LRMDA: variants seen among roughly 807,000 people sequenced by gnomAD.
The protein encoded by LRMDA is leucine-rich melanocyte differentiation-associated protein.
Under a neutral mutation model 29.8 loss-of-function variants are expected in LRMDA, and 18 were observed. The ratio of observed to expected loss-of-function variants is 0.60; its 90% confidence interval spans 0.42 to 0.90. The LOEUF is 0.90. Among genes scored for constraint, LRMDA ranks in the 40% least tolerant of loss-of-function variants. LRMDA has a pLI of 0.00. For synonymous variants in LRMDA, 125 were observed against 109.4 expected, an observed-to-expected ratio of 1.14 and a Z score of -0.89; for missense variants, 273 against 273.9, an observed-to-expected ratio of 1.00 and a Z score of 0.02.
intron 2 of LRMDA, among the ~76,000 whole-genome samples, chr10:75,599,809 A>G (rs914688150): frequency 6.6e-6 from 1 of 152,214 alleles, no homozygotes; most frequent in Admixed American, 6.5e-5. Flanking sequence ...TGAAATAGCC[A>G]CATGTGGCTA....
At chr10:76,080,173 A>T (rs1410920954) in intron 5 of LRMDA, among the ~76,000 whole-genome samples, 2 of 151,940 alleles carry the variant, frequency 1.3e-5, no homozygotes, top group African/African-American at 4.8e-5. Context: ...TCTCTCATCA[A>T]TCCTTCGGTG....
intron 2 of LRMDA, among the ~76,000 whole-genome samples, chr10:75,633,779 A>G (rs913809348): frequency 2.1e-5 from 3 of 140,888 alleles, no homozygotes; most frequent in African/African-American, 7.4e-5. Context: ...TCCAGTTGTA[A>G]ATAATTTTTT....
At chr10:76,513,552 G>A (rs377164778) in intron 6 of LRMDA, among the ~76,000 whole-genome samples, 6 of 152,296 alleles carry the variant, frequency 3.9e-5, no homozygotes, top group African/African-American at 9.6e-5. Context: ...CATGGCAGTT[G>A]TTTTATTGGA....
intron 6 of LRMDA, among the ~76,000 whole-genome samples, chr10:76,392,659 T>C (rs1444792615): frequency 1.3e-5 from 2 of 152,008 alleles, no homozygotes; most frequent in Non-Finnish European, 2.9e-5. Flanking sequence ...TGTATGTGCA[T>C]TGTGTCACAT....
intron 6 of LRMDA, among the ~76,000 whole-genome samples, chr10:76,508,485 G>T (rs929236483): frequency 6.6e-6 from 1 of 151,824 alleles, no homozygotes; most frequent in Non-Finnish European, 1.5e-5. Flanking sequence ...TGGTCTCATG[G>T]ATTCTTACTT....
At chr10:75,594,845 T>G (rs1253074878) in intron 2 of LRMDA, among the ~76,000 whole-genome samples, 1 of 152,214 alleles carries the variant, frequency 6.6e-6, no homozygotes, top group Admixed American at 6.5e-5. Context: ...AATGTACTTG[T>G]TCTGGGTGAA....
intron 6 of LRMDA, among the ~76,000 whole-genome samples, chr10:76,537,062 T>C (rs535283690): frequency 1.8e-4 from 28 of 152,360 alleles, no homozygotes; most frequent in Non-Finnish European, 3.5e-4. Context: ...AAAAATCAAA[T>C]GTATCAAATA....
At chr10:75,726,416 C>T (rs1211537013) in intron 2 of LRMDA, among the ~76,000 whole-genome samples, 5 of 152,192 alleles carry the variant, frequency 3.3e-5, no homozygotes, top group Admixed American at 2.6e-4. Context: ...AGGTGAGCCA[C>T]CTGCAGAAAG....
intron 2 of LRMDA, among the ~76,000 whole-genome samples, chr10:75,486,496 C>T (rs1053532970): frequency 1.3e-5 from 2 of 152,142 alleles, no homozygotes; most frequent in African/African-American, 2.4e-5. Flanking sequence ...ACAATTTGAT[C>T]TTGCTCCACA....
In LRMDA at chr10:76,365,103, T is replaced by C. The variant is rs201520828; in HGVS notation, c.601+40618T>C. On this transcript the variant is annotated intron_variant, in intron 6 of 6. Transcript: ENST00000611255. Reference sequence around the variant, plus strand: ...ACACACACATATATATATATATATATATATACACACACACACATACACACC... The same window carrying C: ...ACACACACATATATATATATATATACATATACACACACACACATACACACC... 1.3e-3 allele frequency among the ~76,000 whole-genome samples: 29 copies of C among 22,706 alleles called. 2 individuals are homozygous for C. The highest frequency in any genetic ancestry group is 6.6e-3 in the South Asian group (11 of 1,666). 14.9% of individuals were successfully genotyped at this position (22,706 alleles called of 152,430 possible).
chr10:76,263,197 G>A (rs1037152960), intron 5 of LRMDA, among the ~76,000 whole-genome samples: 3 of 152,026 alleles, frequency 2.0e-5, no homozygotes, highest in Non-Finnish European at 4.4e-5. Context: ...TGATTCCAAG[G>A]CAAACTTGTT....
rs114818714 is a variant in LRMDA at position 76,243,144 on chromosome 10, G to A, written c.517-81257G>A. Among the ~76,000 whole-genome samples the A allele has an allele frequency of 2.2e-3, 342 of 152,224 alleles. 2 individuals are homozygous for A. Among genetic ancestry groups the A allele is most frequent in the African/African-American group, 7.5e-3 (310 of 41,526 alleles). On this transcript the variant is annotated intron_variant, in intron 5 of 6. Coordinates refer to ENST00000611255, the MANE Select transcript of LRMDA (RefSeq NM_001305581.2). ...CAGGCACCCAGTGATTCTCCCGTCCGTATCACGACAAGCCTCGGAGTGAAC... is the reference window on the plus strand; with the variant it reads ...CAGGCACCCAGTGATTCTCCCGTCCATATCACGACAAGCCTCGGAGTGAAC...
chr10:76,067,130 C>G (rs1440807309), intron 5 of LRMDA, among the ~76,000 whole-genome samples: 2 of 152,196 alleles, frequency 1.3e-5, no homozygotes, highest in Non-Finnish European at 2.9e-5. Flanking sequence ...GTCAGAGACC[C>G]ACTAGTGACT....
At chr10:76,106,150 G>A (rs149694091) in intron 5 of LRMDA, among the ~76,000 whole-genome samples, 3 of 152,318 alleles carry the variant, frequency 2.0e-5, no homozygotes, top group African/African-American at 4.8e-5. Context: ...ATGAGTCCAC[G>A]CAAGCCTTGT....
At chr10:75,645,234 C>A (rs986717235) in intron 2 of LRMDA, among the ~76,000 whole-genome samples, 4 of 152,226 alleles carry the variant, frequency 2.6e-5, no homozygotes, top group African/African-American at 9.6e-5. Flanking sequence ...GTACCCGCCT[C>A]AGTCTCCCAA....
chr10:75,485,594 A>G (rs780097090), intron 2 of LRMDA, among the ~76,000 whole-genome samples: 3 of 149,068 alleles, frequency 2.0e-5, no homozygotes, highest in Non-Finnish European at 4.5e-5. Context: ...ATATATATAC[A>G]TATTTTGAGA....
intron 2 of LRMDA, among the ~76,000 whole-genome samples, chr10:75,504,399 T>G (rs916601776): frequency 2.1e-4 from 32 of 151,736 alleles, no homozygotes; most frequent in Non-Finnish European, 7.4e-5. Context: ...CAGTTGTGAG[T>G]GGGGTTTGGG....
intron 2 of LRMDA, among the ~76,000 whole-genome samples, chr10:75,662,904 T>C (rs1461263961): frequency 6.6e-6 from 1 of 152,206 alleles, no homozygotes; most frequent in East Asian, 1.9e-4. Flanking sequence ...CTTCTGGACA[T>C]GAAGCATTTG....
chr10:75,597,714 TTATTCAAAGTTA>T (rs1840811629), intron 2 of LRMDA, among the ~76,000 whole-genome samples: 2 of 152,210 alleles, frequency 1.3e-5, no homozygotes, highest in South Asian at 2.1e-4. Flanking sequence ...CCCTGAATTT[TTATTCAAAGTTA>T]TACAAGGATG....
Sources: gnomAD v4.1 joint callset for allele counts (sites outside exome capture counted in the v4.1 genomes callset) on GRCh38, gnomAD v4.1.1 for gene constraint, MANE v1.5 for transcripts, NCBI Gene and HGNC (gene_info 2026-07-23, HGNC 2026-07-21) for gene names.